The following RALGAPA1 variants were observed in gnomAD, a reference collection of about 807,000 sequenced individuals.
RALGAPA1 encodes ral GTPase-activating protein subunit alpha-1.
In RALGAPA1, 52 loss-of-function variants were observed where a neutral mutation model predicts 269.6. The ratio of observed to expected loss-of-function variants is 0.19; its 90% CI spans 0.15 to 0.24. The LOEUF (loss-of-function observed/expected upper bound fraction) is 0.24. RALGAPA1 is among the 10% of genes least tolerant of loss of function. The pLI is 1.00. For missense variants in RALGAPA1, 1,917 were observed against 3,013.9 expected (o/e 0.64, Z 8.52); for synonymous variants, 817 against 1,008.3 (o/e 0.81, Z 3.60).
At chr14:35,644,231 T>G (rs1277615771) in intron 31 of RALGAPA1, among the ~76,000 whole-genome samples, 1 of 152,188 alleles carries the variant, frequency 6.6e-6, no homozygotes, top group Non-Finnish European at 1.5e-5. Context: ...AACTTACGTA[T>G]TAAGGATTTC....
intron 35 of RALGAPA1, among the ~76,000 whole-genome samples, chr14:35,609,690 A>G (rs2059804819): frequency 6.6e-6 from 1 of 152,154 alleles, no homozygotes; most frequent in Non-Finnish European, 1.5e-5. Flanking sequence ...GGGGAGGCCA[A>G]GGTAGAAGAA....
chr14:35,662,122 T>C (rs568395480), intron 27 of RALGAPA1, among the ~76,000 whole-genome samples: 3 of 152,312 alleles, frequency 2.0e-5, no homozygotes, highest in South Asian at 2.1e-4. Flanking sequence ...CAAGGTGATA[T>C]GTACAAAGTT....
At chr14:35,714,737 A>T (rs1441161125) in intron 16 of RALGAPA1, among the ~76,000 whole-genome samples, 2 of 152,072 alleles carry the variant, frequency 1.3e-5, no homozygotes, top group Non-Finnish European at 2.9e-5. Flanking sequence ...TCGGACTTTA[A>T]TTCTGGGGTA....
At chr14:35,787,482 G>C (rs1042783635) in intron 1 of RALGAPA1, among the ~76,000 whole-genome samples, 1 of 152,276 alleles carries the variant, frequency 6.6e-6, no homozygotes, top group Admixed American at 6.5e-5. Context: ...TTAGGTTTGG[G>C]TGGAGAAGGA....
At position 35,758,765 on chromosome 14, in the gene RALGAPA1, G is replaced by A. The variant is rs1286166883; in HGVS notation, c.548-1857C>T. On this transcript the variant is annotated intron_variant, in intron 6 of 41. Coordinates refer to ENST00000680220, the MANE Select transcript of RALGAPA1 (RefSeq NM_001346249.2). ...GAGACCTTATCTCTTAAAAAAGAGT[G>A]ATGAAAGAAAACCTCTCTATAATGA... Among the ~76,000 whole-genome samples, 3 of 152,132 alleles carry A rather than the reference G, an allele frequency of 2.0e-5. No individual in the cohort carries two copies. In the East Asian group the frequency reaches 5.8e-4, roughly 29 times the overall value.
At chr14:35,700,417 A>T in intron 16 of RALGAPA1, 115 bp from the exon 17 acceptor site, 1 of 777,250 alleles carries the variant, frequency 1.3e-6, no homozygotes. Flanking sequence ...CAAAGGAAGG[A>T]AATTATAAAT....
At chr14:35,600,130 C>G (rs1034132429) in intron 36 of RALGAPA1, among the ~76,000 whole-genome samples, 1 of 149,114 alleles carries the variant, frequency 6.7e-6, no homozygotes, top group Non-Finnish European at 1.5e-5. Context: ...TAACAGAATG[C>G]TAGACTTTTT....
rs530514334 is a variant in RALGAPA1, at chr14:35,586,099, C to T, written c.7209+9535G>A. 3.9e-5 allele frequency among the ~76,000 whole-genome samples: 6 copies of T among 152,280 alleles called. No individual in the cohort carries two copies. In the South Asian group the frequency reaches 1.2e-3, roughly 32 times the overall value. On this transcript the variant is annotated intron_variant, in intron 37 of 41. Transcript: ENST00000680220. ...CTATCCATGAGCATGGAATGTTCTTCTATTTGTTTGTGTCCTCTTTTAGTT... is the reference window on the plus strand; with the variant it reads ...CTATCCATGAGCATGGAATGTTCTTTTATTTGTTTGTGTCCTCTTTTAGTT...
intron 26 of RALGAPA1, among the ~76,000 whole-genome samples, chr14:35,668,076 CT>C (rs1253830686): frequency 3.3e-5 from 5 of 152,118 alleles, no homozygotes; most frequent in Non-Finnish European, 7.3e-5. Flanking sequence ...CACATGTTCT[CT>C]TTCATATGTG....
In RALGAPA1 at chr14:35,688,770, G is replaced by C; in HGVS notation, c.3641C>G (p.Pro1214Arg). The C allele has an allele frequency of 6.9e-7, 1 of 1,441,162 alleles. No homozygotes were observed. 89.3% of individuals were successfully genotyped at this position (1,441,162 alleles called of 1,614,324 possible). A position where few individuals can be genotyped will look rare whatever the true frequency, so the allele number is the denominator to read the frequency against. ...TGATGCAGTACCAAGTGTATCTAGA[G>C]GTCTGTACACACCAGGTTTTACTAG... ...TELVKPGVYR[P>R]LDTLGTASVS... Residue 1214 changes from proline (P) to arginine (R), a missense_variant, in exon 18 of 42, where the codon CCT becomes CGT. Pro to Arg is a moderately radical substitution (Grantham distance 103). Coordinates refer to ENST00000680220, the MANE Select transcript of RALGAPA1 (RefSeq NM_001346249.2).
intron 16 of RALGAPA1, among the ~76,000 whole-genome samples, chr14:35,713,714 G>A (rs916281879): frequency 1.3e-5 from 2 of 152,050 alleles, no homozygotes; most frequent in African/African-American, 2.4e-5. Flanking sequence ...ACATGAATTT[G>A]TCAGTCTCAG....
intron 37 of RALGAPA1, among the ~76,000 whole-genome samples, chr14:35,577,508 C>T (rs1032419973): frequency 1.3e-5 from 2 of 152,160 alleles, no homozygotes; most frequent in Non-Finnish European, 2.9e-5. Context: ...AATCTGTCAG[C>T]ATCTTGATCT....
At chr14:35,644,677 G>A (rs1426753780) in intron 31 of RALGAPA1, among the ~76,000 whole-genome samples, 1 of 152,176 alleles carries the variant, frequency 6.6e-6, no homozygotes, top group African/African-American at 2.4e-5. Context: ...CATTGCTGGA[G>A]CAGGGAGTTA....
At chr14:35,656,905 T>C (rs2063211345) in intron 28 of RALGAPA1, among the ~76,000 whole-genome samples, 1 of 152,284 alleles carries the variant, frequency 6.6e-6, no homozygotes, top group East Asian at 1.9e-4. Flanking sequence ...GGTTTAGCTA[T>C]GGAAACATCT....
chr14:35,757,506 A>T (rs2073295906), intron 6 of RALGAPA1, among the ~76,000 whole-genome samples: 1 of 152,236 alleles, frequency 6.6e-6, no homozygotes, highest in Non-Finnish European at 1.5e-5. Context: ...CAGTGATTAC[A>T]AGTATGTAAC....
chr14:35,764,000 T>C (rs980171226), intron 4 of RALGAPA1, among the ~76,000 whole-genome samples: 1 of 152,210 alleles, frequency 6.6e-6, no homozygotes, highest in Non-Finnish European at 1.5e-5. Context: ...TGCTTTCATT[T>C]GATATTTCCT....
chr14:35,614,315 GA>G (rs1394301401), intron 35 of RALGAPA1, among the ~76,000 whole-genome samples: 4 of 152,112 alleles, frequency 2.6e-5, no homozygotes, highest in African/African-American at 4.8e-5. Flanking sequence ...GAAACCAACT[GA>G]AATGTCCATC....
chr14:35,646,556 A>C (rs2062448452), intron 31 of RALGAPA1, among the ~76,000 whole-genome samples: 1 of 152,210 alleles, frequency 6.6e-6, no homozygotes, highest in South Asian at 2.1e-4. Flanking sequence ...GTATTCTTTA[A>C]AATGTCAAGG....
chr14:35,617,955 T>C (rs1324738468), intron 35 of RALGAPA1, among the ~76,000 whole-genome samples: 1 of 152,080 alleles, frequency 6.6e-6, no homozygotes, highest in African/African-American at 2.4e-5. Context: ...TCTCTACTAG[T>C]ATCTATTTAG....
Sources: gnomAD v4.1 joint callset for allele counts (sites outside exome capture counted in the v4.1 genomes callset) on GRCh38, gnomAD v4.1.1 for gene constraint, MANE v1.5 for transcripts, NCBI Gene and HGNC (gene_info 2026-07-23, HGNC 2026-07-21) for gene names.